The following PEAK1 variants were observed in gnomAD, a reference collection of about 807,000 sequenced individuals.
PEAK1 encodes the protein pseudopodium enriched atypical kinase 1.
PEAK1 carries 54 observed loss-of-function variants against 124.7 expected under a neutral mutation model. The observed-to-expected ratio is 0.43, with a 90% confidence interval of 0.35 to 0.54. The LOEUF is 0.54. Among genes scored for constraint, PEAK1 ranks in the 20% least tolerant of loss-of-function variants. PEAK1 has a pLI of 0.01. For synonymous variants in PEAK1, 719 were observed against 760.0 expected (o/e 0.95, Z 0.89); for missense variants, 2,046 against 2,134.5 (o/e 0.96, Z 0.82).
rs962129850 is a variant in PEAK1 at position 77,271,150 on chromosome 15, T to C, written c.-275+12733A>G. On this transcript the variant is annotated intron_variant, in intron 5 of 9. Coordinates refer to ENST00000682557, the MANE Select transcript of PEAK1 (RefSeq NM_001385026.1). ...TGAACAGACACTTCTCAAAAGAAGA[T>C]ATTTATGCAGCCAAAAGACACATGA... 1.3e-4 allele frequency among the ~76,000 whole-genome samples: 20 copies of C among 152,274 alleles called. No individual in the cohort carries two copies. The East Asian group carries it at 1.7e-3, about 13-fold the overall frequency.
intron 6 of PEAK1, among the ~76,000 whole-genome samples, chr15:77,198,904 G>A (rs2058231120): frequency 6.6e-6 from 1 of 152,196 alleles, no homozygotes. Flanking sequence ...CATTGAGGAA[G>A]GATATCTGCC....
At chr15:77,332,209 C>T (rs1284396871) in intron 2 of PEAK1, 3 of 978,200 alleles carry the variant, frequency 3.1e-6, no homozygotes, top group East Asian at 2.3e-4. Flanking sequence ...ACTAACAATG[C>T]ATATGTGAGT....
chr15:77,250,205 A>ATATATG lies in PEAK1; in HGVS notation c.-115+2156_-115+2161dup, dbSNP rs1239581835. Among the ~76,000 whole-genome samples, 255 of 109,138 alleles carry ATATATG rather than the reference A, an allele frequency of 2.3e-3. 1 individual carries two copies. Among genetic ancestry groups the ATATATG allele is most frequent in the African/African-American group, 7.2e-3 (228 of 31,784 alleles). 71.6% of individuals were successfully genotyped at this position (109,138 alleles called of 152,430 possible). The stretch of plus-strand genomic sequence containing the variant: ...TGTATATATATACATATATATACAT[A>ATATATG]TATATGTATATATATACACATATAT... On this transcript the variant is annotated intron_variant, in intron 6 of 9. Coordinates refer to ENST00000682557, the MANE Select transcript of PEAK1 (RefSeq NM_001385026.1).
intron 1 of PEAK1, among the ~76,000 whole-genome samples, chr15:77,375,488 T>A (rs2068936156): frequency 6.6e-6 from 1 of 152,300 alleles, no homozygotes; most frequent in East Asian, 1.9e-4. Context: ...ACTATTCCAA[T>A]GAATGTGACT....
chr15:77,179,308 T>A lies in PEAK1; in HGVS notation c.2619A>T (p.Pro873=), dbSNP rs2057088479. 4 of 1,613,674 alleles carry A rather than the reference T, an allele frequency of 2.5e-6. No homozygotes were observed. The African/African-American group carries it at 4.0e-5, about 16-fold the overall frequency. Residue 873 remains proline, a synonymous_variant, in exon 7 of 10, where the codon CCA becomes CCT. Coordinates refer to ENST00000682557, the MANE Select transcript of PEAK1 (RefSeq NM_001385026.1). ...CATGGTAAGGAGAAGAAGTAGAGCG[T>A]GGCGGGGGAAAGGGAGCTGGTGGCT... The part of the protein sequence containing the change: ...QSEPPAPFPP[P]RSTSSPYHAG...
chr15:77,187,373 T>A (rs1026572186), intron 6 of PEAK1, among the ~76,000 whole-genome samples: 2 of 152,096 alleles, frequency 1.3e-5, no homozygotes, highest in African/African-American at 4.8e-5. Context: ...ACAATGACAA[T>A]AATTAGTTTG....
intron 2 of PEAK1, among the ~76,000 whole-genome samples, chr15:77,355,041 T>TAA (rs552594542): frequency 1.2e-4 from 14 of 116,948 alleles, no homozygotes; most frequent in Admixed American, 2.5e-4. Context: ...TCCATCTCAA[T>TAA]AAAAAAAAAA....
rs1566982986 is a variant in PEAK1 at position 77,114,681 on chromosome 15, C to T, written c.4716G>A (p.Arg1572=). 2 of 1,613,662 alleles carry T rather than the reference C, an allele frequency of 1.2e-6. No homozygotes were observed. Among genetic ancestry groups the T allele is most frequent in the Non-Finnish European group, 1.7e-6 (2 of 1,179,944 alleles). Residue 1572 remains arginine, a synonymous_variant, in exon 10 of 10, where the codon CGG becomes CGA. Coordinates refer to ENST00000682557, the MANE Select transcript of PEAK1 (RefSeq NM_001385026.1). The part of the protein sequence containing the change: ...KSHLVDPEIL[R]DQSRLAPEII... The stretch of plus-strand genomic sequence containing the variant: ...TCTCTGGGGCAAGGCGAGACTGGTC[C>T]CGGAGGATCTCGGGGTCCACCAGAT...
In PEAK1 at chr15:77,113,252, A is replaced by G. The variant is rs1472848052; in HGVS notation, c.*904T>C. 6.6e-6 allele frequency: 1 copy of G among 152,290 alleles called. No homozygotes were observed. The highest frequency in any genetic ancestry group is 1.5e-5 in the Non-Finnish European group (1 of 68,066). 9.4% of individuals were successfully genotyped at this position (152,290 alleles called of 1,614,324 possible). On this transcript the variant is annotated 3_prime_UTR_variant, in exon 10 of 10. Coordinates refer to ENST00000682557, the MANE Select transcript of PEAK1 (RefSeq NM_001385026.1). The stretch of plus-strand genomic sequence containing the variant: ...AACTGCAAATGCTGACAGTTCTGAC[A>G]GTAATCAAAGGGTACTTTAAACTCT...
intron 5 of PEAK1, among the ~76,000 whole-genome samples, chr15:77,266,657 C>T (rs1305812870): frequency 1.3e-5 from 2 of 152,060 alleles, no homozygotes; most frequent in East Asian, 1.9e-4. Context: ...GATACCAACA[C>T]CAAGATAACA....
chr15:77,273,207 G>A (rs996180660), intron 5 of PEAK1, among the ~76,000 whole-genome samples: 1 of 152,058 alleles, frequency 6.6e-6, no homozygotes, highest in African/African-American at 2.4e-5. Context: ...AACTGGAACA[G>A]GACAAGGATG....
At chr15:77,278,601 C>G (rs1475294943) in intron 5 of PEAK1, 1 of 507,604 alleles carries the variant, frequency 2.0e-6, no homozygotes, top group East Asian at 5.4e-5. Context: ...AAGGTCCCTG[C>G]AAAGAACGGA....
rs2152819726 is a variant in PEAK1 at position 77,180,747 on chromosome 15, T to C, written c.1180A>G (p.Asn394Asp). ...EPNYESPSSNNQDKDSSQASK... is the reference protein window; with the variant it reads ...EPNYESPSSNDQDKDSSQASK... The stretch of plus-strand genomic sequence containing the variant: ...GCCTGTGATGAATCTTTATCCTGAT[T>C]ATTACTAGAGGGACTTTCATAATTG... The change falls in exon 7 of 10, where the codon AAT (asparagine) becomes GAT (aspartate). Residue 394 changes from asparagine to aspartate, a missense_variant. Transcript: ENST00000682557. 6.2e-7 allele frequency: 1 copy of C among 1,614,122 alleles called. No homozygotes were observed. Among genetic ancestry groups the C allele is most frequent in the Non-Finnish European group, 8.5e-7 (1 of 1,179,998 alleles).
rs1458176109 is a variant in PEAK1, at chr15:77,162,063, T to TA, written c.3138-3368dup. ...ATAACAATATACTATGACTAAAAAA[T>TA]AAAAAAAATTGAGAAAAGTAGCAGA... On this transcript the variant is annotated intron_variant, in intron 7 of 9. Coordinates refer to ENST00000682557, the MANE Select transcript of PEAK1 (RefSeq NM_001385026.1). Among the ~76,000 whole-genome samples the TA allele has an allele frequency of 1.2e-4, 17 of 144,860 alleles. No individual in the cohort carries two copies. In the East Asian group the frequency reaches 2.6e-3, roughly 22 times the overall value.
intron 2 of PEAK1, among the ~76,000 whole-genome samples, chr15:77,345,571 A>G (rs1170916150): frequency 6.6e-6 from 1 of 152,202 alleles, no homozygotes; most frequent in Non-Finnish European, 1.5e-5. Flanking sequence ...AAACCTACCA[A>G]AAAGGATCAA....
exon 7 of PEAK1, chr15:77,103,123 GA>G (rs780341166): frequency 1.3e-5 from 2 of 152,072 alleles, no homozygotes; most frequent in African/African-American, 2.4e-5. Flanking sequence ...TACCTTTTAA[GA>G]AATACTTTGT....
rs746371941 is a variant in PEAK1, at chr15:77,181,676, C to T, written c.251G>A (p.Ser84Asn). Residue 84 changes from serine to asparagine, a missense_variant, in exon 7 of 10, where the codon AGT (serine) becomes AAT (asparagine). Ser to Asn is a conservative substitution (Grantham distance 46, BLOSUM62 1). Coordinates refer to ENST00000682557, the MANE Select transcript of PEAK1 (RefSeq NM_001385026.1). The part of the protein sequence containing the change: ...KPTMIVADGQ[S>N]ICGELSIQEH... ...TTGGATGCTAAGCTCACCACATATA[C>T]TTTGCCCATCTGCCACTATCATAGT... 1.2e-6 allele frequency: 2 copies of T among 1,614,022 alleles called. No homozygotes were observed. The highest frequency in any genetic ancestry group is 2.2e-5 in the East Asian group (1 of 44,888).
rs755068555 is a variant in PEAK1, at chr15:77,180,801, C to T, written c.1126G>A (p.Asp376Asn). The part of the protein sequence containing the change: ...NGGLSPGNPG[D>N]SKDMKEIEPN... ...TCAATTTCCTTCATGTCCTTAGAAT[C>T]TCCTGGGTTACCAGGAGATAATCCC... The change falls in exon 7 of 10, where the codon GAT becomes AAT. Residue 376 changes from aspartate to asparagine, a missense_variant. By Grantham distance (23) the Asp-to-Asn change is conservative (BLOSUM62 1). Transcript: ENST00000682557. The T allele has an allele frequency of 1.9e-6, 3 of 1,613,918 alleles. No homozygotes were observed. In the Admixed American group the frequency reaches 5.0e-5, roughly 27 times the overall value.
In PEAK1 at chr15:77,180,232, ACAGTTT is replaced by A. The variant is rs1285841114; in HGVS notation, c.1689_1694del (p.Lys563_Cys565delinsAsn). ...TGGGTGATGTAGGTGCTGATTTGTGACAGTTTTTCCTTGGAGGAACATTTGGTCCAG... is the reference window on the plus strand; with the variant it reads ...TGGGTGATGTAGGTGCTGATTTGTGATTCCTTGGAGGAACATTTGGTCCAG... On this transcript the variant is annotated inframe_deletion, in exon 7 of 10. Transcript: ENST00000682557. The A allele has an allele frequency of 6.2e-7, 1 of 1,614,148 alleles. No homozygotes were observed. The highest frequency in any genetic ancestry group is 1.7e-5 in the Admixed American group (1 of 60,004).
Sources: allele counts gnomAD v4.1 joint callset (sites outside exome capture counted in the v4.1 genomes callset), GRCh38; gene constraint gnomAD v4.1.1; transcripts MANE v1.5; gene names NCBI Gene and HGNC (gene_info 2026-07-23, HGNC 2026-07-21).